KCNT2: variants seen among roughly 807,000 people sequenced by gnomAD.
The protein encoded by KCNT2 is potassium channel subfamily T member 2.
KCNT2 carries 67 observed loss-of-function variants against 153.8 expected under a neutral mutation model. The observed-to-expected ratio is 0.44, with a 90% confidence interval of 0.36 to 0.53. KCNT2 has a LOEUF of 0.53. KCNT2 is among the 20% of genes least tolerant of loss of function. The pLI is 0.00. For synonymous variants in KCNT2, 500 were observed against 458.8 expected (o/e 1.09, Z -1.15); for missense variants, 975 against 1,354.8 (o/e 0.72, Z 4.40).
chr1:196,597,136 T>C (rs1355987693), intron 1 of KCNT2, among the ~76,000 whole-genome samples: 2 of 152,190 alleles, frequency 1.3e-5, no homozygotes, highest in Non-Finnish European at 2.9e-5. Flanking sequence ...GTTAGAATCC[T>C]AGTATGTTCT....
intron 26 of KCNT2, among the ~76,000 whole-genome samples, chr1:196,253,138 T>C (rs1656134057): frequency 6.6e-6 from 1 of 151,496 alleles, no homozygotes; most frequent in Non-Finnish European, 1.5e-5. Flanking sequence ...CATTGTTTCT[T>C]CAAATATCCA....
At chr1:196,307,652 C>T (rs1026034055) in intron 21 of KCNT2, among the ~76,000 whole-genome samples, 2 of 152,086 alleles carry the variant, frequency 1.3e-5, no homozygotes, top group African/African-American at 2.4e-5. Flanking sequence ...ATGAAGAGGG[C>T]ACTGAATTTA....
At chr1:196,459,046 T>C (rs1175510451) in intron 8 of KCNT2, among the ~76,000 whole-genome samples, 1 of 151,842 alleles carries the variant, frequency 6.6e-6, no homozygotes, top group Non-Finnish European at 1.5e-5. Context: ...GTATACCTAA[T>C]ATCTAAGAGT....
At chr1:196,590,990 A>G (rs1004733266) in intron 1 of KCNT2, among the ~76,000 whole-genome samples, 12 of 152,072 alleles carry the variant, frequency 7.9e-5, no homozygotes, top group African/African-American at 2.9e-4. Context: ...AGCCAGGTAT[A>G]GTGGCATGCA....
intron 3 of KCNT2, among the ~76,000 whole-genome samples, chr1:196,483,592 T>C (rs1317078077): frequency 6.6e-6 from 1 of 152,202 alleles, no homozygotes; most frequent in Admixed American, 6.5e-5. Context: ...AAGCTCTTTT[T>C]ACATTCTGTC....
chr1:196,402,296 C>A (rs763637771), intron 12 of KCNT2, among the ~76,000 whole-genome samples: 6 of 151,462 alleles, frequency 4.0e-5, no homozygotes, highest in Admixed American at 3.3e-4. Flanking sequence ...TTCCTCTTAA[C>A]TTCTATAAAA....
chr1:196,446,313 T>A (rs780557333), intron 8 of KCNT2, among the ~76,000 whole-genome samples: 1 of 151,508 alleles, frequency 6.6e-6, no homozygotes, highest in East Asian at 1.9e-4. Context: ...AAAAATAACA[T>A]TTAACGGTCA....
At chr1:196,365,465 T>C (rs1445999506) in intron 14 of KCNT2, among the ~76,000 whole-genome samples, 1 of 152,194 alleles carries the variant, frequency 6.6e-6, no homozygotes, top group African/African-American at 2.4e-5. Context: ...ATTATAGGTA[T>C]TTAAATCACC....
At chr1:196,505,791 G>T (rs541482225) in intron 1 of KCNT2, among the ~76,000 whole-genome samples, 1 of 152,008 alleles carries the variant, frequency 6.6e-6, no homozygotes, top group African/African-American at 2.4e-5. Flanking sequence ...CCTTGAAGAG[G>T]TCCTTCACGT....
At chr1:196,303,029 T>C (rs1023997556) in intron 22 of KCNT2, among the ~76,000 whole-genome samples, 1 of 149,602 alleles carries the variant, frequency 6.7e-6, no homozygotes, top group African/African-American at 2.5e-5. Flanking sequence ...AAAAAAAAAA[T>C]ACCCTGATGA....
At chr1:196,457,357 A>T (rs897594776) in intron 8 of KCNT2, among the ~76,000 whole-genome samples, 2 of 151,824 alleles carry the variant, frequency 1.3e-5, no homozygotes, top group African/African-American at 4.8e-5. Context: ...ATTATTATCT[A>T]CATATTATGG....
At chr1:196,594,053 C>A (rs1011767506) in intron 1 of KCNT2, among the ~76,000 whole-genome samples, 3 of 151,974 alleles carry the variant, frequency 2.0e-5, no homozygotes, top group Admixed American at 6.6e-5. Flanking sequence ...ATAACTACCA[C>A]TACCTATGTG....
At chr1:196,338,141 G>A (rs540983709) in intron 16 of KCNT2, among the ~76,000 whole-genome samples, 63 of 152,218 alleles carry the variant, frequency 4.1e-4, no homozygotes, top group Admixed American at 2.6e-3. Context: ...CCATGGAATA[G>A]TGTTTGGAGG....
intron 18 of KCNT2, 132 bp downstream of exon 18, chr1:196,331,024 A>G: frequency 5.0e-6 from 3 of 602,124 alleles, no homozygotes; most frequent in Non-Finnish European, 9.0e-6. Flanking sequence ...ATATAAATTT[A>G]CATTGGAAAA....
chr1:196,398,248 C>G (rs867896300), intron 13 of KCNT2, among the ~76,000 whole-genome samples: 3 of 151,358 alleles, frequency 2.0e-5, no homozygotes, highest in Non-Finnish European at 4.4e-5. Flanking sequence ...GTAGATATGG[C>G]ACTTGAAATT....
At chr1:196,337,222 T>C (rs1471109624) in intron 16 of KCNT2, among the ~76,000 whole-genome samples, 3 of 151,814 alleles carry the variant, frequency 2.0e-5, no homozygotes, top group African/African-American at 7.3e-5. Context: ...CTTTCCCTAG[T>C]TGCTTAATCC....
At position 196,462,847 on chromosome 1, in the gene KCNT2, G is replaced by GT. The variant is rs772578552; in HGVS notation, c.638+2445dup. Among the ~76,000 whole-genome samples, 11 of 151,658 alleles carry GT rather than the reference G, an allele frequency of 7.3e-5. No homozygotes were observed. The East Asian group carries it at 7.8e-4, about 11-fold the overall frequency. On this transcript the variant is annotated intron_variant, in intron 8 of 27. Transcript: ENST00000294725. ...CTTCTTTTTATTCCAGTCTCCAGTT[G>GT]TTTTTTCTTTTTTGTGTGATAGTAT...
chr1:196,534,092 G>C (rs905744535), intron 1 of KCNT2, among the ~76,000 whole-genome samples: 1 of 151,692 alleles, frequency 6.6e-6, no homozygotes, highest in African/African-American at 2.4e-5. Context: ...GAAGGTAATA[G>C]ATTGGTGGGG....
chr1:196,351,215 A>G (rs2148215694), intron 14 of KCNT2, among the ~76,000 whole-genome samples: 1 of 152,168 alleles, frequency 6.6e-6, no homozygotes, highest in South Asian at 2.1e-4. Context: ...ATGAACTTTA[A>G]AGTAGTTTTT....
Sources: gnomAD v4.1 joint callset for allele counts (sites outside exome capture counted in the v4.1 genomes callset) on GRCh38, gnomAD v4.1.1 for gene constraint, MANE v1.5 for transcripts, NCBI Gene and HGNC (gene_info 2026-07-23, HGNC 2026-07-21) for gene names.